The following PDE1C variants were observed in gnomAD, a reference collection of about 807,000 sequenced individuals.
The protein encoded by PDE1C is dual specificity calcium/calmodulin-dependent 3',5'-cyclic nucleotide phosphodiesterase 1C.
PDE1C carries 62 observed loss-of-function variants against 93.1 expected under a neutral mutation model. The observed-to-expected ratio is 0.67, with a 90% confidence interval of 0.54 to 0.82. The LOEUF is 0.82. Ranked by LOEUF, PDE1C falls within the 40% of genes least tolerant of loss-of-function variation. PDE1C has a pLI of 0.00. For synonymous variants in PDE1C, 325 were observed against 310.1 expected (o/e 1.05, Z -0.50); for missense variants, 742 against 884.6 (o/e 0.84, Z 2.04).
chr7:32,240,074 T>A (rs1470666486), intron 1 of PDE1C, among the ~76,000 whole-genome samples: 5 of 152,208 alleles, frequency 3.3e-5, no homozygotes, highest in Non-Finnish European at 7.3e-5. Flanking sequence ...TGTGGATTTT[T>A]TGTTGTTTGT....
At chr7:31,665,956 C>G in the PDE1C span, among the ~76,000 whole-genome samples, 2 of 152,150 alleles carry the variant, frequency 1.3e-5, no homozygotes, top group African/African-American at 4.8e-5. Flanking sequence ...GCCACCTGCA[C>G]TATTGTTTCT....
At chr7:32,098,021 G>C (rs1391966598) in intron 3 of PDE1C, among the ~76,000 whole-genome samples, 1 of 151,036 alleles carries the variant, frequency 6.6e-6, no homozygotes, top group East Asian at 1.9e-4. Context: ...ACGAGGTCAG[G>C]AGATCGAGAC....
chr7:31,772,834 C>T (rs1270400290), intron 17 of PDE1C, among the ~76,000 whole-genome samples: 1 of 152,188 alleles, frequency 6.6e-6, no homozygotes, highest in Non-Finnish European at 1.5e-5. Context: ...TTAAAAGATT[C>T]TATCTATTGG....
chr7:32,070,269 G>A (rs764431160), intron 1 of PDE1C, 24 bp downstream of exon 1: 4 of 1,613,598 alleles, frequency 2.5e-6, no homozygotes, highest in Non-Finnish European at 3.4e-6. Flanking sequence ...AAATGGGGCA[G>A]GAGAAGTAAA....
intron 11 of PDE1C, among the ~76,000 whole-genome samples, chr7:31,832,258 T>C (rs755861858): frequency 2.6e-5 from 4 of 152,150 alleles, no homozygotes; most frequent in Non-Finnish European, 4.4e-5. Context: ...GTTTGCAAAA[T>C]ATAAAATTGT....
intron 2 of PDE1C, among the ~76,000 whole-genome samples, chr7:31,986,957 T>C (rs201149877): frequency 2.2e-4 from 29 of 134,706 alleles, no homozygotes; most frequent in African/African-American, 6.1e-4. Flanking sequence ...CACACACACA[T>C]ACACACACAA....
the PDE1C span, among the ~76,000 whole-genome samples, chr7:31,622,697 A>C: frequency 1.3e-5 from 2 of 152,148 alleles, no homozygotes; most frequent in African/African-American, 4.8e-5. Flanking sequence ...AATTAAAAGA[A>C]CTAGAAAATC....
chr7:32,160,156 A>G (rs1801821724), intron 3 of PDE1C, among the ~76,000 whole-genome samples: 2 of 152,128 alleles, frequency 1.3e-5, no homozygotes, highest in South Asian at 4.1e-4. Context: ...AGCCACACAA[A>G]CCAGACACCA....
At chr7:32,327,623 C>T (rs1420830472) in intron 1 of PDE1C, among the ~76,000 whole-genome samples, 2 of 152,098 alleles carry the variant, frequency 1.3e-5, no homozygotes, top group Admixed American at 1.3e-4. Context: ...AAAAATTAGC[C>T]GGGCATGGTG....
intron 16 of PDE1C, among the ~76,000 whole-genome samples, chr7:31,804,237 T>C (rs557222454): frequency 6.6e-6 from 1 of 152,010 alleles, no homozygotes; most frequent in South Asian, 2.1e-4. Context: ...CAGAGCAGCA[T>C]ATAGGCTACA....
chr7:32,169,925 G>C (rs1802541187), exon 3 of PDE1C: 1 of 1,612,624 alleles, frequency 6.2e-7, no homozygotes, highest in Non-Finnish European at 8.5e-7. Flanking sequence ...CATCGATGAG[G>C]GAGTTCCACA....
chr7:31,628,615 G>A, the PDE1C span, among the ~76,000 whole-genome samples: 17 of 151,932 alleles, frequency 1.1e-4, no homozygotes, highest in South Asian at 2.1e-4. Flanking sequence ...CCGCCACCAC[G>A]CCCCGCTAAT....
At chr7:31,886,885 C>T (rs111575209) in intron 2 of PDE1C, among the ~76,000 whole-genome samples, 12 of 426 alleles carry the variant, frequency 0.028, no homozygotes, top group African/African-American at 0.089. Context: ...TATTCAGGGG[C>T]GTGTCAAAAG....
At chr7:32,235,111 A>G (rs776623150) in intron 1 of PDE1C, among the ~76,000 whole-genome samples, 46 of 152,078 alleles carry the variant, frequency 3.0e-4, no homozygotes, top group Admixed American at 1.1e-3. Context: ...CCTTACCCTG[A>G]TAAAGGCAAT....
chr7:31,639,054 G>A, the PDE1C span, among the ~76,000 whole-genome samples: 7 of 152,328 alleles, frequency 4.6e-5, no homozygotes, highest in African/African-American at 9.6e-5. Flanking sequence ...TGGGATTACA[G>A]GTGTGAGCCA....
At chr7:32,243,525 C>T (rs1273951546) in intron 1 of PDE1C, among the ~76,000 whole-genome samples, 1 of 152,154 alleles carries the variant, frequency 6.6e-6, no homozygotes, top group Non-Finnish European at 1.5e-5. Flanking sequence ...AAACTGCACA[C>T]CAGACATCAC....
intron 2 of PDE1C, among the ~76,000 whole-genome samples, chr7:31,922,796 A>G (rs188494439): frequency 6.6e-6 from 1 of 152,234 alleles, no homozygotes; most frequent in African/African-American, 2.4e-5. Context: ...AAAAAATGTC[A>G]ATTTTCAAGA....
chr7:31,959,698 A>G (rs953125868), intron 2 of PDE1C, among the ~76,000 whole-genome samples: 2 of 152,220 alleles, frequency 1.3e-5, no homozygotes, highest in African/African-American at 4.8e-5. Context: ...ATGAAAATAA[A>G]GTTTCCAATT....
chr7:31,897,176 C>T (rs1056997069), intron 2 of PDE1C, among the ~76,000 whole-genome samples: 3 of 152,132 alleles, frequency 2.0e-5, no homozygotes, highest in East Asian at 1.9e-4. Context: ...TGGGATTTGG[C>T]GAGTGCTGCT....
Sources: allele counts gnomAD v4.1 joint callset (sites outside exome capture counted in the v4.1 genomes callset), GRCh38; gene constraint gnomAD v4.1.1; transcripts MANE v1.5; gene names NCBI Gene and HGNC (gene_info 2026-07-23, HGNC 2026-07-21).